DACH1: variants seen among roughly 807,000 people sequenced by gnomAD.
The protein encoded by DACH1 is dachshund homolog 1.
In DACH1, 12 loss-of-function variants were observed where a neutral mutation model predicts 54.2. The ratio of observed to expected loss-of-function variants is 0.22; its 90% CI spans 0.14 to 0.36. DACH1 has a LOEUF of 0.36. Among genes scored for constraint, DACH1 ranks in the 10% least tolerant of loss-of-function variants. The pLI is 1.00. For synonymous variants in DACH1, 386 were observed against 366.2 expected, an observed-to-expected ratio of 1.05 and a Z score of -0.62; for missense variants, 805 against 929.8, an observed-to-expected ratio of 0.87 and a Z score of 1.75.
chr13:71,734,940 AAC>A (rs562771953), intron 1 of DACH1, among the ~76,000 whole-genome samples: 73 of 148,636 alleles, frequency 4.9e-4, no homozygotes, highest in African/African-American at 9.1e-4. Flanking sequence ...CATATATATA[AAC>A]ACACACACAC....
At chr13:71,456,977 A>T (rs1481189919) in intron 10 of DACH1, among the ~76,000 whole-genome samples, 1 of 152,042 alleles carries the variant, frequency 6.6e-6, no homozygotes, top group Non-Finnish European at 1.5e-5. Context: ...CTAAAGCTTA[A>T]AATATCGTGT....
chr13:71,638,305 C>T (rs1877638717), intron 2 of DACH1, among the ~76,000 whole-genome samples: 1 of 152,158 alleles, frequency 6.6e-6, no homozygotes, highest in African/African-American at 2.4e-5. Context: ...TGCTCATGCA[C>T]AGCTATTAGC....
chr13:71,625,865 CA>C (rs1876607469), intron 3 of DACH1, among the ~76,000 whole-genome samples: 1 of 151,872 alleles, frequency 6.6e-6, no homozygotes, highest in Admixed American at 6.6e-5. Context: ...ATGGTTTAAA[CA>C]ATGAGATTTT....
At chr13:71,473,010 A>T (rs1877220678) in intron 10 of DACH1, among the ~76,000 whole-genome samples, 1 of 152,192 alleles carries the variant, frequency 6.6e-6, no homozygotes, top group African/African-American at 2.4e-5. Context: ...TTGCTCTGTT[A>T]TGTTAAGAGT....
At chr13:71,799,658 T>C (rs751685295) in intron 1 of DACH1, among the ~76,000 whole-genome samples, 2 of 152,106 alleles carry the variant, frequency 1.3e-5, no homozygotes, top group East Asian at 1.9e-4. Context: ...ATTTCTATGA[T>C]GGAATTCCCA....
rs1005691440 is a variant in DACH1, at chr13:71,566,806, A to T, written c.1299+6034T>A. On this transcript the variant is annotated intron_variant, in intron 4 of 10. Coordinates refer to ENST00000613252, the MANE Select transcript of DACH1 (RefSeq NM_080759.6). Reference sequence around the variant, plus strand: ...CTTATTATTTTTTAAAACCAAGTAAAATTAAATAAATTTTTGTGAAAAAAA... The same window carrying T: ...CTTATTATTTTTTAAAACCAAGTAATATTAAATAAATTTTTGTGAAAAAAA... 2.0e-5 allele frequency among the ~76,000 whole-genome samples: 3 copies of T among 152,206 alleles called. No homozygotes were observed. In the South Asian group the frequency reaches 6.2e-4, roughly 32 times the overall value.
At chr13:71,823,127 T>C (rs989232181) in intron 1 of DACH1, among the ~76,000 whole-genome samples, 10 of 152,088 alleles carry the variant, frequency 6.6e-5, no homozygotes, top group African/African-American at 2.2e-4. Flanking sequence ...ATTCAAAAAA[T>C]TATTTTTTCC....
chr13:71,851,628 C>G (rs1873674197), intron 1 of DACH1, among the ~76,000 whole-genome samples: 1 of 152,130 alleles, frequency 6.6e-6, no homozygotes, highest in Non-Finnish European at 1.5e-5. Flanking sequence ...GCCCCCACAG[C>G]TCAGCAAATC....
chr13:71,821,933 T>C (rs1888204597), intron 1 of DACH1, among the ~76,000 whole-genome samples: 1 of 151,950 alleles, frequency 6.6e-6, no homozygotes, highest in African/African-American at 2.4e-5. Context: ...TGGCGGTGTG[T>C]GCCTGTAGTC....
rs575692180 is a variant in DACH1, at chr13:71,660,162, G to A, written c.964+21633C>T. On this transcript the variant is annotated intron_variant, in intron 2 of 10. Transcript: ENST00000613252. ...AAATAAAATCAATTGTACATTGAGT[G>A]AAATTTTGATGTATAAGTGCTGGCA... Among the ~76,000 whole-genome samples, 4 of 152,226 alleles carry A rather than the reference G, an allele frequency of 2.6e-5. No individual in the cohort carries two copies. The East Asian group carries it at 7.7e-4, about 29-fold the overall frequency.
chr13:71,591,197 A>G (rs1203823151), intron 3 of DACH1, among the ~76,000 whole-genome samples: 1 of 151,822 alleles, frequency 6.6e-6, no homozygotes, highest in Admixed American at 6.6e-5. Context: ...CCAGTTTTTC[A>G]TTTCAGACTA....
At chr13:71,865,868 G>A in intron 1 of DACH1, 54 bp downstream of exon 1, 2 of 1,493,618 alleles carry the variant, frequency 1.3e-6, no homozygotes, top group Middle Eastern at 1.9e-4. Context: ...GAGGGCAGGC[G>A]AGCAGGCTGG....
intron 3 of DACH1, 125 bp downstream of exon 3, chr13:71,630,431 C>T: frequency 7.1e-7 from 1 of 1,400,004 alleles, no homozygotes; most frequent in Non-Finnish European, 9.3e-7. Context: ...CTCAAACATA[C>T]AGTGTTTTCA....
chr13:71,445,007 C>G (rs942922882), intron 10 of DACH1, among the ~76,000 whole-genome samples: 7 of 152,130 alleles, frequency 4.6e-5, no homozygotes, highest in Non-Finnish European at 2.9e-5. Flanking sequence ...CTCCTCAATA[C>G]TATCACCCTA....
At chr13:71,795,400 T>C (rs1385033025) in intron 1 of DACH1, among the ~76,000 whole-genome samples, 1 of 151,892 alleles carries the variant, frequency 6.6e-6, no homozygotes, top group African/African-American at 2.4e-5. Context: ...GTTCCTCTCC[T>C]TTGCCTTGTA....
chr13:71,694,073 T>G (rs1025270010), intron 1 of DACH1, among the ~76,000 whole-genome samples: 9 of 152,300 alleles, frequency 5.9e-5, no homozygotes, highest in South Asian at 2.1e-4. Flanking sequence ...TTCCCACTTA[T>G]GAATGCAGAG....
intron 1 of DACH1, among the ~76,000 whole-genome samples, chr13:71,728,433 T>C (rs2137903833): frequency 6.6e-6 from 1 of 152,072 alleles, no homozygotes; most frequent in East Asian, 1.9e-4. Context: ...AATGAGTAAA[T>C]GACTCTAAGG....
chr13:71,849,095 A>G (rs937924512), intron 1 of DACH1, among the ~76,000 whole-genome samples: 5 of 151,758 alleles, frequency 3.3e-5, no homozygotes, highest in Non-Finnish European at 7.3e-5. Context: ...TATTAATGAC[A>G]ATTTCTTTTG....
chr13:71,444,007 G>GT (rs779084589), intron 10 of DACH1, among the ~76,000 whole-genome samples: 6 of 152,022 alleles, frequency 3.9e-5, no homozygotes, highest in Non-Finnish European at 7.4e-5. Flanking sequence ...ACCAAACTAT[G>GT]TTTTTCTCAC....
Sources: allele counts gnomAD v4.1 joint callset (sites outside exome capture counted in the v4.1 genomes callset), GRCh38; gene constraint gnomAD v4.1.1; transcripts MANE v1.5; gene names NCBI Gene and HGNC (gene_info 2026-07-23, HGNC 2026-07-21).